Variants in ANKRD31 observed in about 807,000 individuals in gnomAD.
The protein encoded by ANKRD31 is ankyrin repeat domain 31.
ANKRD31 carries 147 observed loss-of-function variants against 186.0 expected under a neutral mutation model. That is an observed-to-expected ratio of 0.79 (90% CI 0.69 to 0.91). The LOEUF (loss-of-function observed/expected upper bound fraction) is 0.91. ANKRD31 is among the 40% of genes least tolerant of loss of function. The pLI is 0.00. For missense variants in ANKRD31, 1,986 were observed against 2,148.8 expected, an observed-to-expected ratio of 0.92 and a Z score of 1.50; for synonymous variants, 673 against 736.4, an observed-to-expected ratio of 0.91 and a Z score of 1.39.
At chr5:75,190,969 A>G (rs1561521774) in intron 9 of ANKRD31, among the ~76,000 whole-genome samples, 1 of 151,974 alleles carries the variant, frequency 6.6e-6, no homozygotes. Flanking sequence ...TTTCCATACA[A>G]TTTTTTTAAA....
chr5:75,196,047 C>T lies in ANKRD31; in HGVS notation c.601G>A (p.Val201Ile). 2 of 1,536,474 alleles carry T rather than the reference C, an allele frequency of 1.3e-6. No homozygotes were observed. Among genetic ancestry groups the T allele is most frequent in the South Asian group, 2.4e-5 (2 of 83,902 alleles). ...TCTTCAGAAGTCATGGTCATTGTGA[C>T]TTCCTTTCTAGGCTCAAAAAATGTA... Reference protein sequence around the residue: ...PNTFFEPRKEVTMTMTSEETK... With the variant: ...PNTFFEPRKEITMTMTSEETK... Residue 201 changes from valine to isoleucine, a missense_variant, in exon 7 of 26, where the codon GTC becomes ATC. Physicochemically the swap from Val to Ile is conservative, Grantham distance 29 (BLOSUM62 3). Transcript: ENST00000506364.
At chr5:75,156,711 A>T (rs554441743) in intron 11 of ANKRD31, among the ~76,000 whole-genome samples, 1 of 152,302 alleles carries the variant, frequency 6.6e-6, no homozygotes, top group East Asian at 1.9e-4. Context: ...AAGCTGAGGT[A>T]AAGTCAAGGG....
At chr5:75,117,803 G>A (rs759152263) in intron 18 of ANKRD31, among the ~76,000 whole-genome samples, 7 of 151,762 alleles carry the variant, frequency 4.6e-5, no homozygotes, top group East Asian at 3.9e-4. Flanking sequence ...GTATAATGTC[G>A]CCCTTTTCCA....
At chr5:75,163,780 TTTAAGTAGAAGTGTATTTCC>T (rs1752734645) in intron 11 of ANKRD31, among the ~76,000 whole-genome samples, 1 of 152,210 alleles carries the variant, frequency 6.6e-6, no homozygotes. Context: ...ATGGGCAAGC[TTTAAGTAGAAGTGTATTTCC>T]TTAAGGGGCC....
rs905380159 is a variant in ANKRD31 at position 75,112,542 on chromosome 5, T to C, written c.4214A>G (p.Glu1405Gly). ...DIEEKQEYLL[E>G]FEIRNPEDAE... is the part of the protein sequence containing the mutation. ...ATCTTCAGGGTTTCTTATTTCAAAC[T>C]CTAATAAATATTCTTGTTTTTCTTC... The change falls in exon 20 of 26, where the codon GAG (glutamate) becomes GGG (glycine). Residue 1405 changes from glutamate (E) to glycine (G), a missense_variant. By Grantham distance (98) the Glu-to-Gly change is moderately conservative. Transcript: ENST00000506364. The C allele has an allele frequency of 4.6e-6, 7 of 1,521,624 alleles. No individual in the cohort carries two copies. In the African/African-American group the frequency reaches 9.6e-5, roughly 21 times the overall value. The allele number at this position is 1,521,624 out of a possible 1,614,324, so 94.3% of individuals were successfully genotyped here.
intron 17 of ANKRD31, among the ~76,000 whole-genome samples, chr5:75,124,824 G>A (rs1230408326): frequency 6.6e-6 from 1 of 152,082 alleles, no homozygotes; most frequent in Non-Finnish European, 1.5e-5. Flanking sequence ...GAAGGGTAGG[G>A]GGTGGGAGGG....
At chr5:75,131,900 G>A (rs189925166) in intron 17 of ANKRD31, among the ~76,000 whole-genome samples, 1 of 152,298 alleles carries the variant, frequency 6.6e-6, no homozygotes, top group East Asian at 1.9e-4. Flanking sequence ...GGCAAACAGG[G>A]TCTGGAGTGG....
intron 17 of ANKRD31, among the ~76,000 whole-genome samples, chr5:75,137,081 G>A (rs1750646579): frequency 6.6e-6 from 1 of 152,104 alleles, no homozygotes; most frequent in Non-Finnish European, 1.5e-5. Flanking sequence ...GTTGATGGGT[G>A]CAGCACACCA....
In ANKRD31 at chr5:75,192,737, C is replaced by T. The variant is rs1196111664; in HGVS notation, c.1338G>A (p.Lys446=). ...TCTTGAACCTTGCTGAATGCATATT[C>T]TTCTCTTTACCATCAATCATTAAAG... The part of the protein sequence containing the change: ...DPALMIDGKE[K]NMHSARFKNG... Residue 446 remains lysine (K), a synonymous_variant, in exon 9 of 26, where the codon AAG becomes AAA. Coordinates refer to ENST00000506364, the MANE Select transcript of ANKRD31 (RefSeq NM_001372053.1). 6 of 1,535,216 alleles carry T rather than the reference C, an allele frequency of 3.9e-6. No homozygotes were observed. The Admixed American group carries it at 1.2e-4, about 30-fold the overall frequency.
chr5:75,188,002 C>A (rs947456210), intron 10 of ANKRD31, among the ~76,000 whole-genome samples: 1 of 152,100 alleles, frequency 6.6e-6, no homozygotes, highest in Non-Finnish European at 1.5e-5. Flanking sequence ...AGTGACCCAG[C>A]CTTGCAGAAA....
chr5:75,090,385 G>A (rs1745832883), intron 23 of ANKRD31, among the ~76,000 whole-genome samples: 1 of 152,178 alleles, frequency 6.6e-6, no homozygotes, highest in South Asian at 2.1e-4. Context: ...CCAGAATGCA[G>A]GGTTGGGGCA....
intron 8 of ANKRD31, among the ~76,000 whole-genome samples, 156 bp downstream of exon 8, chr5:75,193,155 C>T (rs1328680367): frequency 2.0e-5 from 3 of 152,092 alleles, no homozygotes; most frequent in Non-Finnish European, 2.9e-5. Flanking sequence ...TGTGGTATGG[C>T]ACTGATCAAA....
At chr5:75,156,157 G>A (rs948486852) in intron 11 of ANKRD31, among the ~76,000 whole-genome samples, 4 of 151,992 alleles carry the variant, frequency 2.6e-5, no homozygotes, top group Non-Finnish European at 5.9e-5. Flanking sequence ...CACTCACCTC[G>A]GCCTCCCAAA....
intron 23 of ANKRD31, among the ~76,000 whole-genome samples, chr5:75,086,559 C>T (rs1398462032): frequency 6.6e-6 from 1 of 152,178 alleles, no homozygotes; most frequent in Non-Finnish European, 1.5e-5. Context: ...GGCTTTTGGA[C>T]AACATAGCCT....
Position 75,079,106 on chromosome 5 carries a change from A to G in ANKRD31, c.5647+1462T>C, listed in dbSNP as rs570826518. Among the ~76,000 whole-genome samples, 9 of 152,344 alleles carry G rather than the reference A, an allele frequency of 5.9e-5. No homozygotes were observed. In the East Asian group the frequency reaches 1.2e-3, roughly 20 times the overall value. ...CATTTTAACACTCTGGAGTCCATCA[A>G]TGCATTGACTTGAGTTACCAATTTA... On this transcript the variant is annotated intron_variant, in intron 25 of 25. Transcript: ENST00000506364.
intron 17 of ANKRD31, among the ~76,000 whole-genome samples, chr5:75,121,768 G>A (rs538186397): frequency 6.6e-6 from 1 of 152,128 alleles, no homozygotes; most frequent in African/African-American, 2.4e-5. Flanking sequence ...AAATGAAAAT[G>A]GAGTCAGAAT....
rs1399296781 is a variant in ANKRD31 at position 75,093,624 on chromosome 5, A to G, written c.5332-2223T>C. 2.0e-5 allele frequency among the ~76,000 whole-genome samples: 3 copies of G among 152,230 alleles called. No individual in the cohort carries two copies. The East Asian group carries it at 5.8e-4, about 29-fold the overall frequency. ...TAAAAATATCAAAAGTCATAAGACA[A>G]GGAGAAAATATTAAAAGCAGCAGGA... On this transcript the variant is annotated intron_variant, in intron 22 of 25. Transcript: ENST00000506364.
At chr5:75,107,410 T>C in intron 21 of ANKRD31, 111 bp downstream of exon 21, 1 of 682,986 alleles carries the variant, frequency 1.5e-6, no homozygotes, top group Non-Finnish European at 2.4e-6. Context: ...AGTCATTATT[T>C]GGCCCCAAGC....
At chr5:75,091,500 C>T in intron 22 of ANKRD31, 99 bp from the exon 23 acceptor site, 4 of 1,036,700 alleles carry the variant, frequency 3.9e-6, no homozygotes, top group African/African-American at 1.6e-5. Flanking sequence ...CACATATACC[C>T]TAACACCTGA....
Sources: gnomAD v4.1 joint callset for allele counts (sites outside exome capture counted in the v4.1 genomes callset) on GRCh38, gnomAD v4.1.1 for gene constraint, MANE v1.5 for transcripts, NCBI Gene and HGNC (gene_info 2026-07-23, HGNC 2026-07-21) for gene names.